Variants in PDE11A observed in about 807,000 individuals in gnomAD.
PDE11A encodes dual 3',5'-cyclic-AMP and -GMP phosphodiesterase 11A.
PDE11A carries 100 observed loss-of-function variants against 100.5 expected under a neutral mutation model. That is an observed-to-expected ratio of 1.00 (90% CI 0.85 to 1.18). The LOEUF (loss-of-function observed/expected upper bound fraction) is 1.18, where lower values mean the gene tolerates loss of function less well. Among genes scored for constraint, PDE11A ranks in the 50% most tolerant of loss-of-function variants. PDE11A has a pLI of 0.00. For synonymous variants in PDE11A, 381 were observed against 420.8 expected (o/e 0.91, Z 1.16); for missense variants, 1,141 against 1,152.6 (o/e 0.99, Z 0.15).
intron 9 of PDE11A, among the ~76,000 whole-genome samples, chr2:177,773,728 A>G (rs1256112486): frequency 6.6e-6 from 1 of 152,202 alleles, no homozygotes; most frequent in Non-Finnish European, 1.5e-5. Context: ...TGGTCTAGCT[A>G]AAGAATCTTT....
intron 2 of PDE11A, among the ~76,000 whole-genome samples, chr2:177,912,188 C>T (rs1276118878): frequency 6.6e-6 from 1 of 152,146 alleles, no homozygotes; most frequent in Non-Finnish European, 1.5e-5. Context: ...GGCTCCCCTT[C>T]TCCTGTCTAG....
At chr2:178,041,829 A>T (rs2086686618) in intron 1 of PDE11A, among the ~76,000 whole-genome samples, 1 of 152,182 alleles carries the variant, frequency 6.6e-6, no homozygotes, top group Non-Finnish European at 1.5e-5. Context: ...CGAAAAGACA[A>T]TGTTTCAAGC....
At chr2:177,641,440 A>AAAG (rs1323760622) in intron 19 of PDE11A, among the ~76,000 whole-genome samples, 2 of 151,604 alleles carry the variant, frequency 1.3e-5, no homozygotes, top group East Asian at 1.9e-4. Flanking sequence ...AAAAAAAAAA[A>AAAG]AGCTAGACTC....
intron 2 of PDE11A, among the ~76,000 whole-genome samples, chr2:177,993,654 C>T (rs2086031761): frequency 6.6e-6 from 1 of 152,046 alleles, no homozygotes; most frequent in African/African-American, 2.4e-5. Context: ...ATTTTTACAA[C>T]TCATCAAATG....
At chr2:177,836,286 T>A (rs950193171) in intron 6 of PDE11A, among the ~76,000 whole-genome samples, 1 of 152,210 alleles carries the variant, frequency 6.6e-6, no homozygotes, top group African/African-American at 2.4e-5. Flanking sequence ...AACCTTTATG[T>A]CTAGCTAAAG....
At chr2:178,035,392 C>A (rs1319843456) in intron 1 of PDE11A, among the ~76,000 whole-genome samples, 1 of 152,148 alleles carries the variant, frequency 6.6e-6, no homozygotes, top group Non-Finnish European at 1.5e-5. Flanking sequence ...TAAGAGCCTA[C>A]CAACCAAAAA....
chr2:178,064,046 C>T (rs2087007249), intron 1 of PDE11A, among the ~76,000 whole-genome samples: 1 of 152,148 alleles, frequency 6.6e-6, no homozygotes, highest in Admixed American at 6.5e-5. Flanking sequence ...ATCTCATTGC[C>T]ATCTAATGAT....
chr2:177,728,047 CT>C lies in PDE11A; in HGVS notation c.1913del (p.Gln638ArgfsTer15), dbSNP rs756332548. On this transcript the variant is annotated frameshift_variant, in exon 11 of 20. Transcript: ENST00000286063. LOFTEE classifies it high-confidence loss of function. Reference protein sequence around the residue: ...LRMFMELGMVQKFKIDYETLC... With the variant: ...LRMFMELGMVXKFKIDYETLC... The stretch of plus-strand genomic sequence containing the variant: ...TTACCTCATAGTCAATTTTAAATTT[CT>C]GTACCATCCCCAGCTCCATGAACAT... 8.7e-6 allele frequency: 14 copies of C among 1,613,450 alleles called. No homozygotes were observed. The highest frequency in any genetic ancestry group is 1.2e-5 in the Non-Finnish European group (14 of 1,179,544).
At chr2:177,806,363 C>G (rs1470060518) in intron 9 of PDE11A, among the ~76,000 whole-genome samples, 1 of 152,132 alleles carries the variant, frequency 6.6e-6, no homozygotes, top group African/African-American at 2.4e-5. Context: ...AAAGGGAAAT[C>G]TTCATAATCT....
At chr2:177,641,518 C>T (rs1484550129) in intron 19 of PDE11A, among the ~76,000 whole-genome samples, 1 of 151,906 alleles carries the variant, frequency 6.6e-6, no homozygotes, top group African/African-American at 2.4e-5. Flanking sequence ...ATGGAGCTGG[C>T]TGTGGAGTCC....
chr2:177,649,184 T>C (rs373176176), intron 19 of PDE11A, among the ~76,000 whole-genome samples: 1 of 152,112 alleles, frequency 6.6e-6, no homozygotes, highest in East Asian at 1.9e-4. Flanking sequence ...GTAAATTGGT[T>C]CAAACTCCAC....
chr2:177,822,824 G>T (rs2083161258), intron 6 of PDE11A, among the ~76,000 whole-genome samples: 1 of 151,936 alleles, frequency 6.6e-6, no homozygotes. Flanking sequence ...GTATCCTGAT[G>T]TTTAAAAACT....
chr2:177,881,888 A>C (rs1209124934), intron 4 of PDE11A, among the ~76,000 whole-genome samples: 3 of 151,978 alleles, frequency 2.0e-5, no homozygotes, highest in South Asian at 2.1e-4. Flanking sequence ...GTGTAGAGCC[A>C]TTTCTAGGCC....
At chr2:177,852,658 C>T (rs973049720) in intron 5 of PDE11A, among the ~76,000 whole-genome samples, 1 of 152,064 alleles carries the variant, frequency 6.6e-6, no homozygotes, top group African/African-American at 2.4e-5. Flanking sequence ...GGACTTGGGA[C>T]ATTAAAAATC....
At chr2:177,876,951 T>G (rs1029319696) in intron 4 of PDE11A, among the ~76,000 whole-genome samples, 1 of 147,804 alleles carries the variant, frequency 6.8e-6, no homozygotes, top group Non-Finnish European at 1.5e-5. Flanking sequence ...CCATATAAAG[T>G]ATGAGACTCA....
chr2:177,843,594 T>G (rs1321490469), intron 5 of PDE11A, among the ~76,000 whole-genome samples: 1 of 152,172 alleles, frequency 6.6e-6, no homozygotes, highest in Non-Finnish European at 1.5e-5. Flanking sequence ...ATGCTTAGAA[T>G]GTGGCTTGGT....
chr2:177,958,370 C>T (rs183629882), intron 2 of PDE11A, among the ~76,000 whole-genome samples: 9 of 152,170 alleles, frequency 5.9e-5, no homozygotes, highest in Non-Finnish European at 8.8e-5. Context: ...AAACTTCTTG[C>T]ATTTTATCTC....
At chr2:177,651,993 AT>A (rs1422219731) in intron 19 of PDE11A, among the ~76,000 whole-genome samples, 1 of 152,224 alleles carries the variant, frequency 6.6e-6, no homozygotes, top group East Asian at 1.9e-4. Context: ...TCCTGAAAGC[AT>A]AAGATGCTGA....
chr2:177,787,247 GA>G (rs1254527562), intron 9 of PDE11A, among the ~76,000 whole-genome samples: 6 of 149,244 alleles, frequency 4.0e-5, no homozygotes, highest in Admixed American at 2.7e-4. Flanking sequence ...CATTCTTAAA[GA>G]AAAGAATTTT....
Sources: gnomAD v4.1 joint callset for allele counts (sites outside exome capture counted in the v4.1 genomes callset) on GRCh38, gnomAD v4.1.1 for gene constraint, MANE v1.5 for transcripts, NCBI Gene and HGNC (gene_info 2026-07-23, HGNC 2026-07-21) for gene names.